LIN52: variants seen among roughly 807,000 people sequenced by gnomAD.
LIN52 encodes lin-52 DREAM MuvB core complex component, also known as protein lin-52 homolog.
A neutral mutation model predicts 18.5 loss-of-function variants in LIN52; 4 were observed. The ratio of observed to expected loss-of-function variants is 0.22; its 90% CI spans 0.11 to 0.49. LIN52 has a LOEUF of 0.49. Ranked by LOEUF, LIN52 falls within the 20% of genes least tolerant of loss-of-function variation. LIN52 has a pLI of 0.97. For missense variants in LIN52, 102 were observed against 139.5 expected (o/e 0.73, Z 1.35); for synonymous variants, 34 against 45.5 (o/e 0.75, Z 1.02).
At chr14:74,193,419 A>T (rs2078892527) in intron 5 of LIN52, among the ~76,000 whole-genome samples, 1 of 27,714 alleles carries the variant, frequency 3.6e-5, no homozygotes, top group Non-Finnish European at 1.3e-4. Context: ...GTCTCTTATA[A>T]AAAAAAAAAA....
intron 5 of LIN52, among the ~76,000 whole-genome samples, chr14:74,173,193 G>C (rs2061278856): frequency 6.6e-6 from 1 of 151,958 alleles, no homozygotes; most frequent in African/African-American, 2.4e-5. Context: ...TGTGTGTTTT[G>C]TTTTGTTTTT....
chr14:74,099,586 T>TTGTGTG (rs148601338), intron 4 of LIN52, among the ~76,000 whole-genome samples: 3,239 of 149,394 alleles, frequency 0.022, 66 homozygotes, highest in African/African-American at 0.056. Context: ...AGTATTGTCT[T>TTGTGTG]TGTGTGTGTG....
intron 5 of LIN52, among the ~76,000 whole-genome samples, chr14:74,177,587 T>A (rs1350848765): frequency 6.6e-6 from 1 of 152,202 alleles, no homozygotes; most frequent in Admixed American, 6.5e-5. Flanking sequence ...ACAGCCCTTT[T>A]TGTTTTCATC....
chr14:74,201,333 C>T lies in LIN52; in HGVS notation c.*2356C>T, dbSNP rs1566874048. The T allele has an allele frequency of 6.6e-6, 1 of 152,100 alleles. No individual in the cohort carries two copies. The highest frequency in any genetic ancestry group is 1.5e-5 in the Non-Finnish European group (1 of 68,014). The allele number at this position is 152,100 out of a possible 1,614,324, so 9.4% of individuals were successfully genotyped here. A position where few individuals can be genotyped will look rare whatever the true frequency, so the allele number is the denominator to read the frequency against. Reference sequence around the variant, plus strand: ...AATGATAAATAATCTACTGTTTTCCCCCTTAATATACTTAATGGATAGTTG... The same window carrying T: ...AATGATAAATAATCTACTGTTTTCCTCCTTAATATACTTAATGGATAGTTG... On this transcript the variant is annotated 3_prime_UTR_variant, in exon 6 of 6. Transcript: ENST00000555028.
chr14:74,093,982 T>TC (rs2060790752), intron 2 of LIN52, among the ~76,000 whole-genome samples: 1 of 141,124 alleles, frequency 7.1e-6, no homozygotes, highest in Non-Finnish European at 1.5e-5. Flanking sequence ...AAACTCTGTC[T>TC]CAAAAAAAAA....
At chr14:74,173,014 TA>T (rs2061278158) in intron 5 of LIN52, among the ~76,000 whole-genome samples, 1 of 152,188 alleles carries the variant, frequency 6.6e-6, no homozygotes, top group Non-Finnish European at 1.5e-5. Context: ...AAACTATCAA[TA>T]TTATTTTTCA....
chr14:74,173,646 G>A (rs1476440769), intron 5 of LIN52, among the ~76,000 whole-genome samples: 1 of 152,056 alleles, frequency 6.6e-6, no homozygotes, highest in Non-Finnish European at 1.5e-5. Context: ...AGCATGAGTG[G>A]TTAAACAAAA....
chr14:74,138,769 C>CAA (rs35627946), intron 5 of LIN52, among the ~76,000 whole-genome samples: 1,449 of 113,744 alleles, frequency 0.013, 27 homozygotes, highest in African/African-American at 0.039. Context: ...GACCCTGCCT[C>CAA]AAAAAAAAAA....
intron 5 of LIN52, among the ~76,000 whole-genome samples, chr14:74,105,034 C>T (rs958963283): frequency 2.6e-5 from 4 of 152,242 alleles, no homozygotes; most frequent in African/African-American, 4.8e-5. Flanking sequence ...TTGGTTACCT[C>T]GAAAACTGCT....
Position 74,201,483 on chromosome 14 carries a change from T to C in LIN52, c.*2506T>C, listed in dbSNP as rs1463550308. Among the ~76,000 whole-genome samples, 1 of 152,218 alleles carries C rather than the reference T, an allele frequency of 6.6e-6. No individual in the cohort carries two copies. Among genetic ancestry groups the C allele is most frequent in the Non-Finnish European group, 1.5e-5 (1 of 68,046 alleles). On this transcript the variant is annotated 3_prime_UTR_variant, in exon 6 of 6. Transcript: ENST00000555028. ...TGTCTACTAATAAAGTCTCAATCTC[T>C]TGACCCGGCATTTTAAGACTCTCTA...
intron 5 of LIN52, among the ~76,000 whole-genome samples, chr14:74,113,050 T>C (rs1471712560): frequency 6.6e-6 from 1 of 152,144 alleles, no homozygotes; most frequent in Admixed American, 6.5e-5. Context: ...TGATGTCTGT[T>C]ATAGACAAGG....
chr14:74,164,189 G>T (rs1433702822), intron 5 of LIN52, among the ~76,000 whole-genome samples: 2 of 151,584 alleles, frequency 1.3e-5, no homozygotes, highest in East Asian at 3.9e-4. Flanking sequence ...CACCGTATTA[G>T]CTAGGATGGT....
intron 5 of LIN52, among the ~76,000 whole-genome samples, chr14:74,141,139 T>C (rs2061128418): frequency 6.6e-6 from 1 of 152,202 alleles, no homozygotes; most frequent in South Asian, 2.1e-4. Context: ...TAATACAAGC[T>C]CTTGATTTTA....
intron 5 of LIN52, among the ~76,000 whole-genome samples, chr14:74,147,934 A>C (rs2061159439): frequency 6.6e-6 from 1 of 152,214 alleles, no homozygotes; most frequent in African/African-American, 2.4e-5. Flanking sequence ...TGTACACTTA[A>C]AAATGGTTGA....
chr14:74,090,624 C>G, intron 1 of LIN52, among the ~76,000 whole-genome samples: 1 of 152,198 alleles, frequency 6.6e-6, no homozygotes. Context: ...CATGAGCCAC[C>G]ATGTCCGGCT....
intron 5 of LIN52, among the ~76,000 whole-genome samples, chr14:74,171,705 TTA>T (rs59113909): frequency 0.6 from 89,829 of 149,352 alleles, 28,190 homozygotes; most frequent in Admixed American, 0.68. Context: ...AAATATTATT[TTA>T]TGTCTGTCTT....
intron 5 of LIN52, among the ~76,000 whole-genome samples, chr14:74,158,123 A>ATTT (rs757112159): frequency 8.9e-4 from 131 of 147,372 alleles, no homozygotes; most frequent in African/African-American, 1.6e-3. Context: ...ATATATATAT[A>ATTT]TATTTTTTTG....
At position 74,165,434 on chromosome 14, in the gene LIN52, T is replaced by C. The variant is rs370595774; in HGVS notation, c.284-33488T>C. On this transcript the variant is annotated intron_variant, in intron 5 of 5. Transcript: ENST00000555028. ...TATTTAGTCATTTAAGACATAAAGGTAATATAAAAGAATCAGCTAAACAGA... is the reference window on the plus strand; with the variant it reads ...TATTTAGTCATTTAAGACATAAAGGCAATATAAAAGAATCAGCTAAACAGA... 2.6e-5 allele frequency among the ~76,000 whole-genome samples: 4 copies of C among 151,724 alleles called. No homozygotes were observed. In the East Asian group the frequency reaches 7.7e-4, roughly 29 times the overall value.
At chr14:74,101,104 A>C in intron 4 of LIN52, 51 bp from the exon 5 acceptor site, 3 of 1,454,326 alleles carry the variant, frequency 2.1e-6, no homozygotes, top group Non-Finnish European at 2.9e-6. Context: ...GGAAGTTGCT[A>C]CTAGAGAAGA....
Sources: gnomAD v4.1 joint callset for allele counts (sites outside exome capture counted in the v4.1 genomes callset) on GRCh38, gnomAD v4.1.1 for gene constraint, MANE v1.5 for transcripts, NCBI Gene and HGNC (gene_info 2026-07-23, HGNC 2026-07-21) for gene names.